The following DTX4 variants were observed in gnomAD, a reference collection of about 807,000 sequenced individuals.
DTX4 encodes the protein E3 ubiquitin-protein ligase DTX4.
DTX4 carries 28 observed loss-of-function variants against 57.6 expected under a neutral mutation model. The ratio of observed to expected loss-of-function variants is 0.49; its 90% CI spans 0.36 to 0.67. The LOEUF (loss-of-function observed/expected upper bound fraction) is 0.67. Ranked by LOEUF, DTX4 falls within the 30% of genes least tolerant of loss-of-function variation. DTX4 has a pLI of 0.00. For missense variants in DTX4, 715 were observed against 836.8 expected, an observed-to-expected ratio of 0.85 and a Z score of 1.80; for synonymous variants, 316 against 331.0, an observed-to-expected ratio of 0.95 and a Z score of 0.49.
At chr11:59,181,668 A>G (rs901491671) in intron 1 of DTX4, 71 bp from the exon 2 acceptor site, 2 of 1,527,886 alleles carry the variant, frequency 1.3e-6, no homozygotes, top group Non-Finnish European at 1.8e-6. Flanking sequence ...CAATGGCATG[A>G]CTTGTTAATG....
At chr11:59,175,283 G>A (rs574223657) in intron 1 of DTX4, among the ~76,000 whole-genome samples, 8 of 152,322 alleles carry the variant, frequency 5.3e-5, no homozygotes, top group East Asian at 3.9e-4. Flanking sequence ...GCCCAGAGGC[G>A]ATTCCTCTCC....
At chr11:59,187,554 A>C (rs1338783818) in intron 2 of DTX4, among the ~76,000 whole-genome samples, 1 of 152,260 alleles carries the variant, frequency 6.6e-6, no homozygotes, top group African/African-American at 2.4e-5. Context: ...TGGATAAATC[A>C]ATACATAAAT....
Position 59,184,951 on chromosome 11 carries a change from G to A in DTX4, c.935+2489G>A, listed in dbSNP as rs188495692. On this transcript the variant is annotated intron_variant, in intron 2 of 8. Transcript: ENST00000227451. ...ATTCCCTTTGTCTGGCATTGCCATC[G>A]ACCTTCTGTCATTGCAGGGCCCCTT... Among the ~76,000 whole-genome samples, 9 of 152,162 alleles carry A rather than the reference G, an allele frequency of 5.9e-5. 1 individual carries two copies. Among genetic ancestry groups the A allele is most frequent in the Middle Eastern group, 6.8e-3 (2 of 294 alleles).
rs1386837665 is a variant in DTX4, at chr11:59,194,922, T to C, written c.1375-286T>C. 6.8e-6 allele frequency: 3 copies of C among 441,440 alleles called. No individual in the cohort carries two copies. In the East Asian group the frequency reaches 1.4e-4, roughly 21 times the overall value. 27.3% of individuals were successfully genotyped at this position (441,440 alleles called of 1,614,324 possible). A position where few individuals can be genotyped will look rare whatever the true frequency, so the allele number is the denominator to read the frequency against. On this transcript the variant is annotated intron_variant, in intron 6 of 8. Coordinates refer to ENST00000227451, the MANE Select transcript of DTX4 (RefSeq NM_015177.2). The stretch of plus-strand genomic sequence containing the variant: ...AGTGGCTGAATAATGACTCCCTGTG[T>C]AGGCTCCTGCCCTAGAGAGCTGGTC...
In DTX4 at chr11:59,189,149, C is replaced by G. The variant is rs749399180; in HGVS notation, c.998-13C>G. On this transcript the variant is annotated splice_polypyrimidine_tract_variant and intron_variant, in intron 3 of 8. Coordinates refer to ENST00000227451, the MANE Select transcript of DTX4 (RefSeq NM_015177.2). ...TCTCCAGTCTTTCCTCACCCATGCCCTGCCCCTTCCAGGAATCACTGGGAT... is the reference window on the plus strand; with the variant it reads ...TCTCCAGTCTTTCCTCACCCATGCCGTGCCCCTTCCAGGAATCACTGGGAT... 6 of 1,612,666 alleles carry G rather than the reference C, an allele frequency of 3.7e-6. No homozygotes were observed. The highest frequency in any genetic ancestry group is 4.2e-6 in the Non-Finnish European group (5 of 1,179,768).
In DTX4 at chr11:59,172,775, G is replaced by A. The variant is rs1385161461; in HGVS notation, c.180G>A (p.Leu60=). The A allele has an allele frequency of 6.3e-7, 1 of 1,595,672 alleles. No homozygotes were observed. Among genetic ancestry groups the A allele is most frequent in the Admixed American group, 1.7e-5 (1 of 58,142 alleles). The change falls in exon 1 of 9, where the codon CTG becomes CTA. Residue 60 remains leucine (L), a synonymous_variant. Transcript: ENST00000227451. ...GTCTCGCGCCCTACATCATCGACCT[G>A]CAGTCCATGAACCAGTTCCGCCAAG... ...DSRLAPYIID[L]QSMNQFRQDT... is the part of the protein sequence containing the mutation.
At chr11:59,203,899 A>G (rs183246679) in intron 8 of DTX4, among the ~76,000 whole-genome samples, 91 of 152,312 alleles carry the variant, frequency 6.0e-4, no homozygotes, top group African/African-American at 2.1e-3. Context: ...TTTCATTACT[A>G]ATACTATTAT....
At chr11:59,184,270 C>T (rs986638646) in intron 2 of DTX4, among the ~76,000 whole-genome samples, 4 of 152,194 alleles carry the variant, frequency 2.6e-5, no homozygotes, top group Non-Finnish European at 5.9e-5. Flanking sequence ...ACCCGTCCTC[C>T]AGAAACTAGG....
intron 2 of DTX4, among the ~76,000 whole-genome samples, chr11:59,187,490 C>T (rs1416648378): frequency 6.6e-6 from 1 of 152,238 alleles, no homozygotes; most frequent in Non-Finnish European, 1.5e-5. Context: ...TGCTGACCCC[C>T]AGCATCGGGA....
intron 6 of DTX4, among the ~76,000 whole-genome samples, chr11:59,194,424 T>C (rs1378508711): frequency 6.6e-6 from 1 of 152,236 alleles, no homozygotes; most frequent in Non-Finnish European, 1.5e-5. Flanking sequence ...AAAGTTATCC[T>C]CATTTACTCC....
chr11:59,196,494 G>T (rs1862672161), intron 7 of DTX4, among the ~76,000 whole-genome samples: 1 of 152,244 alleles, frequency 6.6e-6, no homozygotes, highest in Admixed American at 6.5e-5. Context: ...TGAGAACACA[G>T]GCCTTCAAAG....
chr11:59,188,663 A>T, intron 2 of DTX4, 72 bp from the exon 3 acceptor site: 1 of 1,340,928 alleles, frequency 7.5e-7, no homozygotes, highest in Non-Finnish European at 1.1e-6. Context: ...ACTGCATTTT[A>T]TTAGAATTAA....
intron 8 of DTX4, among the ~76,000 whole-genome samples, chr11:59,203,476 A>T (rs1862764005): frequency 6.6e-6 from 1 of 152,150 alleles, no homozygotes; most frequent in Non-Finnish European, 1.5e-5. Flanking sequence ...AATCATCAGC[A>T]TCACTGTCTT....
At chr11:59,196,932 T>C (rs1862679395) in intron 7 of DTX4, among the ~76,000 whole-genome samples, 1 of 152,168 alleles carries the variant, frequency 6.6e-6, no homozygotes, top group African/African-American at 2.4e-5. Context: ...TGCTCTTGCA[T>C]CATCCCAAAA....
intron 2 of DTX4, chr11:59,185,361 C>T (rs1182174619): frequency 6.6e-6 from 1 of 152,218 alleles, no homozygotes; most frequent in Non-Finnish European, 1.5e-5. Context: ...TTCTCTGCCA[C>T]CTTGCCAGCT....
chr11:59,195,596 C>A (rs1338177398), intron 7 of DTX4, among the ~76,000 whole-genome samples: 2 of 152,144 alleles, frequency 1.3e-5, no homozygotes, highest in Admixed American at 6.5e-5. Context: ...TCGCATCCAC[C>A]CTTCCCTTTT....
intron 4 of DTX4, among the ~76,000 whole-genome samples, chr11:59,189,632 G>A (rs757922618): frequency 4.6e-5 from 7 of 152,186 alleles, no homozygotes; most frequent in Non-Finnish European, 8.8e-5. Context: ...AAAACAGACT[G>A]GATTCAAATC....
Position 59,184,244 on chromosome 11 carries a change from C to T in DTX4, c.935+1782C>T, listed in dbSNP as rs934098582. ...ATTGCTAGCATGGAGGAGGGAGGCT[C>T]CTGTGCTGGGTAAGAACCCGTCCTC... On this transcript the variant is annotated intron_variant, in intron 2 of 8. Transcript: ENST00000227451. Among the ~76,000 whole-genome samples the T allele has an allele frequency of 7.9e-5, 12 of 152,334 alleles. No individual in the cohort carries two copies. In the East Asian group the frequency reaches 1.7e-3, roughly 22 times the overall value.
chr11:59,197,117 T>C (rs1453699185), intron 7 of DTX4, among the ~76,000 whole-genome samples: 1 of 152,120 alleles, frequency 6.6e-6, no homozygotes, highest in East Asian at 1.9e-4. Context: ...GAATGGGAAA[T>C]AACGTTTGCC....
Sources: gnomAD v4.1 joint callset for allele counts (sites outside exome capture counted in the v4.1 genomes callset) on GRCh38, gnomAD v4.1.1 for gene constraint, MANE v1.5 for transcripts, NCBI Gene and HGNC (gene_info 2026-07-23, HGNC 2026-07-21) for gene names.